The following RNF144B variants were observed in gnomAD, a reference collection of about 807,000 sequenced individuals.
RNF144B encodes the protein ring finger protein 144B.
A neutral mutation model predicts 40.2 loss-of-function variants in RNF144B; 25 were observed. That is an observed-to-expected ratio of 0.62 (90% confidence interval 0.45 to 0.87). The LOEUF (loss-of-function observed/expected upper bound fraction) is 0.87, where lower values mean the gene tolerates loss of function less well. RNF144B is among the 40% of genes least tolerant of loss of function. The probability of loss-of-function intolerance (pLI) is 0.00; values close to 1 mark genes in which losing one functional copy is unlikely to be tolerated. For synonymous variants in RNF144B, 145 were observed against 136.3 expected (o/e 1.06, Z -0.44); for missense variants, 365 against 373.7 (o/e 0.98, Z 0.19).
chr6:18,423,360 GA>G (rs947631288), intron 2 of RNF144B, among the ~76,000 whole-genome samples: 9 of 150,910 alleles, frequency 6.0e-5, no homozygotes, highest in South Asian at 2.1e-4. Context: ...TTTTTTCTTA[GA>G]AAAAAAAACT....
At chr6:18,463,201 T>C in intron 6 of RNF144B, 90 bp from the exon 7 acceptor site, 1 of 796,514 alleles carries the variant, frequency 1.3e-6, no homozygotes, top group Admixed American at 1.9e-5. Flanking sequence ...GAGAAAAACT[T>C]TGCCTTCCAT....
In RNF144B at chr6:18,447,138, GAGAT is replaced by G. The variant is rs1286956524; in HGVS notation, c.331+7399_331+7402del. On this transcript the variant is annotated intron_variant, in intron 4 of 7. Transcript: ENST00000259939. This position sits in a 1 kb window ranked among gnomAD's most constrained non-coding sequence, Gnocchi z 5.6. Reference sequence around the variant, plus strand: ...TTATATAAATAAGGGTAAGGGGAAAGAGATAGATGGGGGAGGCTATTTTGGATAG... The same window carrying G: ...TTATATAAATAAGGGTAAGGGGAAAGAGATGGGGGAGGCTATTTTGGATAG... Among the ~76,000 whole-genome samples the G allele has an allele frequency of 6.6e-6, 1 of 152,130 alleles. No individual in the cohort carries two copies. Among genetic ancestry groups the G allele is most frequent in the Non-Finnish European group, 1.5e-5 (1 of 68,022 alleles).
rs58124564 is a variant in RNF144B at position 18,406,457 on chromosome 6, AGTGTGTGTGTGT to A, written c.165+6791_165+6802del. On this transcript the variant is annotated intron_variant, in intron 2 of 7. Coordinates refer to ENST00000259939, the MANE Select transcript of RNF144B (RefSeq NM_182757.4). The surrounding 1 kb of genome is among the most constrained non-coding windows in gnomAD (Gnocchi z 4.2). ...CAAAGGAGGCTGGTGTGGCTGGAAA[AGTGTGTGTGTGT>A]GTGTGTGTGTGTGTGTGTGTGTGTG... Among the ~76,000 whole-genome samples the A allele has an allele frequency of 5.3e-3, 696 of 130,976 alleles. 3 individuals carry two copies. Among genetic ancestry groups the A allele is most frequent in the Middle Eastern group, 7.9e-3 (2 of 252 alleles). The allele number at this position is 130,976 out of a possible 152,430, so 85.9% of individuals were successfully genotyped here. A position where few individuals can be genotyped will look rare whatever the true frequency, so the allele number is the denominator to read the frequency against.
At chr6:18,408,754 C>G (rs1794966273) in intron 2 of RNF144B, among the ~76,000 whole-genome samples, 1 of 152,136 alleles carries the variant, frequency 6.6e-6, no homozygotes, top group African/African-American at 2.4e-5. Context: ...CAGGATCTCC[C>G]TCTGCCCACT....
intron 2 of RNF144B, among the ~76,000 whole-genome samples, chr6:18,409,866 C>T (rs1398893205): frequency 1.7e-4 from 26 of 152,080 alleles, no homozygotes; most frequent in East Asian, 1.9e-4. Context: ...CACTGCGCCC[C>T]GGCCTACATA....
Position 18,406,492 on chromosome 6 carries a change from G to GTA in RNF144B, c.165+6794_165+6795insAT, listed in dbSNP as rs1794911079. Among the ~76,000 whole-genome samples the GTA allele has an allele frequency of 8.5e-6, 1 of 117,810 alleles. No individual in the cohort carries two copies. Among genetic ancestry groups the GTA allele is most frequent in the Admixed American group, 8.5e-5 (1 of 11,814 alleles). 77.3% of individuals were successfully genotyped at this position (117,810 alleles called of 152,430 possible). On this transcript the variant is annotated intron_variant, in intron 2 of 7. Coordinates refer to ENST00000259939, the MANE Select transcript of RNF144B (RefSeq NM_182757.4). This position sits in a 1 kb window ranked among gnomAD's most constrained non-coding sequence, Gnocchi z 4.2. ...TGTGTGTGTGTGTGTGTGTGTGTGT[G>GTA]TGTGTGTGTAGGGGGAGTAGTAGGA...
At chr6:18,409,375 C>CAAAAAAAAAAA (rs770011648) in intron 2 of RNF144B, among the ~76,000 whole-genome samples, 1 of 59,556 alleles carries the variant, frequency 1.7e-5, no homozygotes, top group Non-Finnish European at 2.7e-5. Context: ...GAGACTGTCT[C>CAAAAAAAAAAA]AAAAAAAAAA....
chr6:18,449,362 T>C (rs1211387582), intron 4 of RNF144B, among the ~76,000 whole-genome samples: 2 of 152,230 alleles, frequency 1.3e-5, no homozygotes, highest in African/African-American at 4.8e-5. Flanking sequence ...CAGTGTGATC[T>C]GGTTCTCACA....
intron 4 of RNF144B, among the ~76,000 whole-genome samples, chr6:18,449,584 C>A (rs1330561250): frequency 2.0e-5 from 3 of 151,788 alleles, no homozygotes; most frequent in Non-Finnish European, 4.4e-5. Flanking sequence ...ATTTGTATTG[C>A]ATGTATATTT....
At chr6:18,420,638 G>A (rs903574453) in intron 2 of RNF144B, among the ~76,000 whole-genome samples, 4 of 151,996 alleles carry the variant, frequency 2.6e-5, no homozygotes, top group Non-Finnish European at 5.9e-5. Flanking sequence ...TTTGGGGAGC[G>A]GGGGAGGTTG....
intron 3 of RNF144B, among the ~76,000 whole-genome samples, chr6:18,431,202 G>A (rs900932413): frequency 6.6e-6 from 1 of 151,432 alleles, no homozygotes; most frequent in Non-Finnish European, 1.5e-5. Context: ...CTCCAGCCTG[G>A]GTGACACAGC....
chr6:18,427,475 C>A, intron 2 of RNF144B, 106 bp from the exon 3 acceptor site: 2 of 667,632 alleles, frequency 3.0e-6, no homozygotes, highest in Non-Finnish European at 5.2e-6. Flanking sequence ...AGTACAAGAG[C>A]CTCAGGACAG....
chr6:18,398,170 A>G lies in RNF144B; in HGVS notation c.-36-1329A>G, dbSNP rs1009800051. Among the ~76,000 whole-genome samples, 2 of 152,080 alleles carry G rather than the reference A, an allele frequency of 1.3e-5. No homozygotes were observed. The highest frequency in any genetic ancestry group is 1.3e-4 in the Admixed American group (2 of 15,260). ...TTCCCCCTCCCACCAGCCCCTGGTA[A>G]CCTCTATTCTTCTTTTTGTCTCTCA... On this transcript the variant is annotated intron_variant, in intron 1 of 7. Transcript: ENST00000259939. This position sits in a 1 kb window ranked among gnomAD's most constrained non-coding sequence, Gnocchi z 5.0.
At chr6:18,397,525 T>C (rs1006356110) in intron 1 of RNF144B, among the ~76,000 whole-genome samples, 2 of 152,248 alleles carry the variant, frequency 1.3e-5, no homozygotes, top group Non-Finnish European at 1.5e-5. Context: ...ATTTTCACAA[T>C]TATTTAGTCT....
intron 1 of RNF144B, among the ~76,000 whole-genome samples, chr6:18,393,763 C>T (rs184732364): frequency 6.6e-6 from 1 of 152,236 alleles, no homozygotes; most frequent in East Asian, 1.9e-4. Context: ...TTTTACAAGG[C>T]AACACTTCAG....
At position 18,406,994 on chromosome 6, in the gene RNF144B, C is replaced by T. The variant is rs1405558857; in HGVS notation, c.165+7295C>T. Reference sequence around the variant, plus strand: ...CCACACTTATCAAACAACCAGATCTCGTGAGAATTCACTATCATGGGAACA... The same window carrying T: ...CCACACTTATCAAACAACCAGATCTTGTGAGAATTCACTATCATGGGAACA... On this transcript the variant is annotated intron_variant, in intron 2 of 7. Coordinates refer to ENST00000259939, the MANE Select transcript of RNF144B (RefSeq NM_182757.4). This position sits in a 1 kb window ranked among gnomAD's most constrained non-coding sequence, Gnocchi z 4.2. Among the ~76,000 whole-genome samples the T allele has an allele frequency of 1.3e-5, 2 of 152,234 alleles. No homozygotes were observed. Among genetic ancestry groups the T allele is most frequent in the African/African-American group, 4.8e-5 (2 of 41,536 alleles).
intron 3 of RNF144B, 133 bp downstream of exon 3, chr6:18,427,818 A>G: frequency 1.6e-6 from 1 of 609,434 alleles, no homozygotes; most frequent in Non-Finnish European, 2.9e-6. Flanking sequence ...GGAGCACTTT[A>G]TTGCAGCTTA....
At chr6:18,437,233 GT>G (rs1758845344) in intron 3 of RNF144B, among the ~76,000 whole-genome samples, 1 of 152,158 alleles carries the variant, frequency 6.6e-6, no homozygotes, top group Admixed American at 6.5e-5. Flanking sequence ...GAAGCTGGGG[GT>G]TTGAGAGCAG....
chr6:18,433,447 A>G (rs1758741539), intron 3 of RNF144B, among the ~76,000 whole-genome samples: 1 of 152,258 alleles, frequency 6.6e-6, no homozygotes, highest in Non-Finnish European at 1.5e-5. Context: ...TAAGTGGGTA[A>G]TAAGGTTTCT....
Sources: gnomAD v4.1 joint callset for allele counts (sites outside exome capture counted in the v4.1 genomes callset) on GRCh38, gnomAD v4.1.1 for gene constraint, Gnocchi (gnomAD v3.1) non-coding constraint, MANE v1.5 for transcripts, NCBI Gene and HGNC (gene_info 2026-07-23, HGNC 2026-07-21) for gene names.